KLHL1: variants seen among roughly 807,000 people sequenced by gnomAD.
KLHL1 encodes the protein kelch like family member 1, also known as kelch-like protein 1.
KLHL1 carries 47 observed loss-of-function variants against 77.7 expected under a neutral mutation model. That is an observed-to-expected ratio of 0.60 (90% CI 0.48 to 0.77). The LOEUF (loss-of-function observed/expected upper bound fraction) is 0.77. Ranked by LOEUF, KLHL1 falls within the 30% of genes least tolerant of loss-of-function variation. KLHL1 has a pLI of 0.00. For missense variants in KLHL1, 925 were observed against 910.8 expected (o/e 1.02, Z -0.20); for synonymous variants, 360 against 325.2 (o/e 1.11, Z -1.15).
At chr13:69,779,030 C>T (rs566368518) in intron 7 of KLHL1, among the ~76,000 whole-genome samples, 1 of 151,984 alleles carries the variant, frequency 6.6e-6, no homozygotes, top group Non-Finnish European at 1.5e-5. Context: ...CATCTCCTGA[C>T]CTCATGATCA....
At chr13:69,703,480 A>T (rs987177689) in intron 10 of KLHL1, among the ~76,000 whole-genome samples, 8 of 151,640 alleles carry the variant, frequency 5.3e-5, no homozygotes, top group Non-Finnish European at 8.9e-5. Flanking sequence ...GCTAAGGTTA[A>T]TTTATTATTA....
At chr13:69,999,556 G>A (rs1885236609) in intron 1 of KLHL1, among the ~76,000 whole-genome samples, 2 of 151,958 alleles carry the variant, frequency 1.3e-5, no homozygotes, top group Admixed American at 1.3e-4. Flanking sequence ...CGATAGGTAA[G>A]TAAGAGATTG....
chr13:69,958,604 A>G (rs1251773559), intron 3 of KLHL1, among the ~76,000 whole-genome samples: 1 of 151,842 alleles, frequency 6.6e-6, no homozygotes, highest in Non-Finnish European at 1.5e-5. Flanking sequence ...ATAAAATGTT[A>G]TATGTTTAAA....
intron 7 of KLHL1, among the ~76,000 whole-genome samples, chr13:69,771,692 G>C (rs954013114): frequency 6.6e-6 from 1 of 152,006 alleles, no homozygotes; most frequent in Non-Finnish European, 1.5e-5. Context: ...AAGATATGTG[G>C]GTGCATAGTT....
intron 1 of KLHL1, among the ~76,000 whole-genome samples, chr13:70,042,987 C>T (rs1886412654): frequency 6.6e-6 from 1 of 152,120 alleles, no homozygotes; most frequent in South Asian, 2.1e-4. Context: ...CTCACTGCAA[C>T]CTCCGCCTCC....
At chr13:69,745,102 A>C (rs1459574285) in intron 7 of KLHL1, among the ~76,000 whole-genome samples, 3 of 151,948 alleles carry the variant, frequency 2.0e-5, no homozygotes, top group African/African-American at 7.2e-5. Flanking sequence ...GTTGTCTGAT[A>C]ATCTCTCCAC....
At chr13:70,007,676 T>A (rs1045916611) in intron 1 of KLHL1, among the ~76,000 whole-genome samples, 1 of 152,024 alleles carries the variant, frequency 6.6e-6, no homozygotes, top group Non-Finnish European at 1.5e-5. Context: ...GGTGAACCAT[T>A]ATATAGAAAA....
At chr13:70,066,594 C>T (rs1403124535) in intron 1 of KLHL1, among the ~76,000 whole-genome samples, 12 of 152,158 alleles carry the variant, frequency 7.9e-5, no homozygotes, top group African/African-American at 9.7e-5. Flanking sequence ...CATAGTCCTT[C>T]GTCGGTAATG....
chr13:69,942,735 CAT>C (rs908550779), intron 3 of KLHL1, among the ~76,000 whole-genome samples: 2 of 152,104 alleles, frequency 1.3e-5, no homozygotes, highest in South Asian at 2.1e-4. Flanking sequence ...TCAGCCATCA[CAT>C]GTCACCCCTA....
chr13:69,976,879 C>G (rs779074306), intron 1 of KLHL1, among the ~76,000 whole-genome samples: 5 of 152,048 alleles, frequency 3.3e-5, no homozygotes, highest in Non-Finnish European at 7.4e-5. Flanking sequence ...TTAGAGTCAT[C>G]TCAAAATTAT....
Position 70,047,113 on chromosome 13 carries a change from G to C in KLHL1, c.497+60090C>G, listed in dbSNP as rs140721987. On this transcript the variant is annotated intron_variant, in intron 1 of 10. Coordinates refer to ENST00000377844, the MANE Select transcript of KLHL1 (RefSeq NM_020866.3). Reference sequence around the variant, plus strand: ...CAGTGAACACAATAGCATTAATGTGGACTGACCACTGCAGAATACAGGAAC... The same window carrying C: ...CAGTGAACACAATAGCATTAATGTGCACTGACCACTGCAGAATACAGGAAC... 5.2e-3 allele frequency among the ~76,000 whole-genome samples: 796 copies of C among 152,094 alleles called. 11 individuals carry two copies. Among genetic ancestry groups the C allele is most frequent in the Middle Eastern group, 0.017 (5 of 294 alleles).
chr13:69,790,889 G>A (rs1876839383), intron 7 of KLHL1, among the ~76,000 whole-genome samples: 1 of 151,796 alleles, frequency 6.6e-6, no homozygotes, highest in Non-Finnish European at 1.5e-5. Context: ...ATTTCTAAAA[G>A]CAAAAACAAC....
chr13:69,962,045 T>G (rs1168376653), intron 2 of KLHL1, among the ~76,000 whole-genome samples: 1 of 151,862 alleles, frequency 6.6e-6, no homozygotes, highest in Non-Finnish European at 1.5e-5. Flanking sequence ...ATGCATTAAT[T>G]TTTTATTTTA....
chr13:69,867,087 G>A (rs1169165379), intron 5 of KLHL1, among the ~76,000 whole-genome samples: 2 of 152,028 alleles, frequency 1.3e-5, no homozygotes, highest in Non-Finnish European at 2.9e-5. Context: ...TGGGAAAACT[G>A]TACAGTAGGA....
intron 1 of KLHL1, among the ~76,000 whole-genome samples, chr13:70,022,086 T>C (rs1372465860): frequency 1.3e-5 from 2 of 152,042 alleles, no homozygotes; most frequent in African/African-American, 2.4e-5. Context: ...TCTCCTTTTT[T>C]CTTCTAGGAG....
chr13:70,014,672 A>T (rs1206124543), intron 1 of KLHL1, among the ~76,000 whole-genome samples: 2 of 152,152 alleles, frequency 1.3e-5, no homozygotes, highest in Non-Finnish European at 2.9e-5. Flanking sequence ...TAGGATCTTT[A>T]TGTAATATCA....
chr13:69,974,305 G>C (rs935700232), intron 2 of KLHL1, among the ~76,000 whole-genome samples: 1 of 150,850 alleles, frequency 6.6e-6, no homozygotes, highest in Non-Finnish European at 1.5e-5. Context: ...TACATATAAA[G>C]GTAATACATT....
intron 7 of KLHL1, among the ~76,000 whole-genome samples, chr13:69,777,820 T>A (rs1875911333): frequency 6.6e-6 from 1 of 152,134 alleles, no homozygotes; most frequent in African/African-American, 2.4e-5. Flanking sequence ...TAATCTGGAC[T>A]TCCTACTCAT....
At chr13:69,720,594 T>C (rs542780762) in intron 8 of KLHL1, among the ~76,000 whole-genome samples, 40 of 152,154 alleles carry the variant, frequency 2.6e-4, no homozygotes, top group Admixed American at 1.5e-3. Flanking sequence ...GGATCAGTAA[T>C]GCAACTGGTG....
Sources: allele counts gnomAD v4.1 joint callset (sites outside exome capture counted in the v4.1 genomes callset), GRCh38; gene constraint gnomAD v4.1.1; transcripts MANE v1.5; gene names NCBI Gene and HGNC (gene_info 2026-07-23, HGNC 2026-07-21).